UNC13C: variants seen among roughly 807,000 people sequenced by gnomAD.
UNC13C encodes protein unc-13 homolog C.
A neutral mutation model predicts 245.4 loss-of-function variants in UNC13C; 174 were observed. The observed-to-expected ratio is 0.71, with a 90% CI of 0.63 to 0.80. The LOEUF (loss-of-function observed/expected upper bound fraction) is 0.80, where lower values mean the gene tolerates loss of function less well. Among genes scored for constraint, UNC13C ranks in the 30% least tolerant of loss-of-function variants. The probability of loss-of-function intolerance (pLI) is 0.00; values close to 1 mark genes in which losing one functional copy is unlikely to be tolerated. For missense variants in UNC13C, 2,829 were observed against 2,602.9 expected (o/e 1.09, Z -1.89); for synonymous variants, 992 against 895.1 (o/e 1.11, Z -1.93).
the UNC13C span, among the ~76,000 whole-genome samples, chr15:53,871,179 T>C: frequency 1.3e-5 from 2 of 152,192 alleles, no homozygotes; most frequent in African/African-American, 4.8e-5. Flanking sequence ...AATGTCTGTA[T>C]GACCTCTCTA....
chr15:54,626,782 T>C (rs1363910022), intron 32 of UNC13C, 46 bp from the exon 33 acceptor site: 3 of 1,541,356 alleles, frequency 1.9e-6, no homozygotes, highest in Non-Finnish European at 2.6e-6. Flanking sequence ...TGATGCCTAG[T>C]GGAAGTAAAG....
chr15:54,206,200 T>G (rs1377084081), intron 4 of UNC13C, among the ~76,000 whole-genome samples: 2 of 152,112 alleles, frequency 1.3e-5, no homozygotes, highest in Non-Finnish European at 2.9e-5. Flanking sequence ...TGATTATTTT[T>G]GTTTTTCTTT....
chr15:53,868,177 G>A, the UNC13C span, among the ~76,000 whole-genome samples: 43,817 of 152,016 alleles, frequency 0.29, 7,565 homozygotes, highest in Non-Finnish European at 0.37. Context: ...AAATGGCCAG[G>A]GAGCTGCTCT....
intron 1 of UNC13C, among the ~76,000 whole-genome samples, chr15:53,982,265 A>C (rs554940085): frequency 6.6e-6 from 1 of 152,146 alleles, no homozygotes; most frequent in Non-Finnish European, 1.5e-5. Context: ...GTTCTTGAGA[A>C]TCTGGGTGCA....
chr15:54,334,841 TG>T lies in UNC13C; in HGVS notation c.4584+988del, dbSNP rs555919886. On this transcript the variant is annotated intron_variant, in intron 16 of 32. Coordinates refer to ENST00000260323, the MANE Select transcript of UNC13C (RefSeq NM_001080534.3). ...GCCATTGACACTGAGGAGTGAGGAA[TG>T]GGAGTGAGGGTAGGGTGTGCCAGCA... Among the ~76,000 whole-genome samples the T allele has an allele frequency of 2.5e-3, 378 of 152,258 alleles. 6 individuals carry two copies. Among genetic ancestry groups the T allele is most frequent in the Non-Finnish European group, 8.7e-4 (59 of 68,012 alleles).
chr15:54,567,130 A>G (rs1183700127), intron 29 of UNC13C, among the ~76,000 whole-genome samples: 1 of 152,118 alleles, frequency 6.6e-6, no homozygotes, highest in Non-Finnish European at 1.5e-5. Flanking sequence ...CTCAGTGACC[A>G]TATTTATTGT....
chr15:54,533,525 C>T (rs767320569), intron 26 of UNC13C, among the ~76,000 whole-genome samples: 2 of 152,196 alleles, frequency 1.3e-5, no homozygotes, highest in Non-Finnish European at 2.9e-5. Context: ...CCTGACCCAA[C>T]CTTCAATAAC....
intron 4 of UNC13C, among the ~76,000 whole-genome samples, chr15:54,208,906 A>C (rs2034794702): frequency 6.6e-6 from 1 of 152,160 alleles, no homozygotes; most frequent in African/African-American, 2.4e-5. Flanking sequence ...AGGCAAGCCA[A>C]AATGACGCAA....
intron 13 of UNC13C, among the ~76,000 whole-genome samples, chr15:54,312,335 A>C (rs991643359): frequency 6.6e-6 from 1 of 151,662 alleles, no homozygotes; most frequent in African/African-American, 2.4e-5. Context: ...GTCAGCATCC[A>C]CCTGTAAACT....
At chr15:54,314,127 G>A (rs866326504) in intron 13 of UNC13C, among the ~76,000 whole-genome samples, 2 of 151,478 alleles carry the variant, frequency 1.3e-5, no homozygotes, top group Admixed American at 6.6e-5. Context: ...GCGGAATGGT[G>A]ATTACCAGGG....
chr15:54,436,355 G>A (rs536688173), intron 19 of UNC13C, among the ~76,000 whole-genome samples: 1 of 152,018 alleles, frequency 6.6e-6, no homozygotes, highest in African/African-American at 2.4e-5. Context: ...AAAGACACAT[G>A]CACATGTATG....
intron 30 of UNC13C, among the ~76,000 whole-genome samples, chr15:54,616,947 G>A (rs1282608354): frequency 6.6e-6 from 1 of 151,910 alleles, no homozygotes; most frequent in Non-Finnish European, 1.5e-5. Context: ...GCTATGTTTA[G>A]ATACACAAAT....
At chr15:54,129,228 G>A (rs1019899914) in intron 2 of UNC13C, among the ~76,000 whole-genome samples, 3 of 152,154 alleles carry the variant, frequency 2.0e-5, no homozygotes, top group Non-Finnish European at 2.9e-5. Flanking sequence ...TATCACGGGG[G>A]TAAATACAGC....
rs974214763 is a variant in UNC13C at position 54,307,423 on chromosome 15, C to T, written c.4268+7050C>T. On this transcript the variant is annotated intron_variant, in intron 13 of 32. Transcript: ENST00000260323. ...TAATCACCTCTCAACAGCCTCACCACTTAATACTACAACCTTGAGTCATAG... is the reference window on the plus strand; with the variant it reads ...TAATCACCTCTCAACAGCCTCACCATTTAATACTACAACCTTGAGTCATAG... Among the ~76,000 whole-genome samples the T allele has an allele frequency of 2.6e-5, 4 of 152,080 alleles. No homozygotes were observed. The South Asian group carries it at 8.3e-4, about 31-fold the overall frequency.
At chr15:53,933,862 G>C in the UNC13C span, among the ~76,000 whole-genome samples, 1 of 152,188 alleles carries the variant, frequency 6.6e-6, no homozygotes, top group Admixed American at 6.5e-5. Flanking sequence ...CTGCAAGAAT[G>C]ATGTGTTAGG....
intron 27 of UNC13C, among the ~76,000 whole-genome samples, chr15:54,549,315 T>C (rs1416293829): frequency 6.6e-6 from 1 of 152,184 alleles, no homozygotes; most frequent in Non-Finnish European, 1.5e-5. Flanking sequence ...GGAAGTTGCC[T>C]CTGCTAAAAA....
At chr15:53,991,816 C>T (rs1387345586) in intron 1 of UNC13C, among the ~76,000 whole-genome samples, 1 of 151,954 alleles carries the variant, frequency 6.6e-6, no homozygotes. Context: ...TATTATTGCC[C>T]TTGTTATCAG....
At chr15:54,179,827 T>G (rs982328830) in intron 4 of UNC13C, among the ~76,000 whole-genome samples, 1 of 151,786 alleles carries the variant, frequency 6.6e-6, no homozygotes, top group Non-Finnish European at 1.5e-5. Flanking sequence ...TAAGAAATGA[T>G]CACAACAAAG....
At chr15:54,245,112 C>T (rs571370976) in intron 7 of UNC13C, among the ~76,000 whole-genome samples, 1 of 152,184 alleles carries the variant, frequency 6.6e-6, no homozygotes, top group East Asian at 1.9e-4. Context: ...ATTAAAATGG[C>T]TAAAGTTTCC....
Sources: gnomAD v4.1 joint callset for allele counts (sites outside exome capture counted in the v4.1 genomes callset) on GRCh38, gnomAD v4.1.1 for gene constraint, MANE v1.5 for transcripts, NCBI Gene and HGNC (gene_info 2026-07-23, HGNC 2026-07-21) for gene names.